SGCZ: variants seen among roughly 807,000 people sequenced by gnomAD.
SGCZ encodes sarcoglycan zeta, also known as zeta-sarcoglycan.
A neutral mutation model predicts 41.3 loss-of-function variants in SGCZ; 40 were observed. That is an observed-to-expected ratio of 0.97 (90% CI 0.75 to 1.26). The LOEUF is 1.26. Among genes scored for constraint, SGCZ ranks in the 50% most tolerant of loss-of-function variants. The pLI is 0.00. For synonymous variants in SGCZ, 206 were observed against 137.5 expected (o/e 1.50, Z -3.49); for missense variants, 552 against 369.8 (o/e 1.49, Z -4.04).
At chr8:14,124,493 G>T (rs1351914713) in intron 5 of SGCZ, among the ~76,000 whole-genome samples, 1 of 152,090 alleles carries the variant, frequency 6.6e-6, no homozygotes, top group Non-Finnish European at 1.5e-5. Flanking sequence ...ATATACAGTT[G>T]ACTTAAAACT....
chr8:14,953,953 C>A (rs1446425133), intron 1 of SGCZ, among the ~76,000 whole-genome samples: 1 of 152,106 alleles, frequency 6.6e-6, no homozygotes, highest in East Asian at 1.9e-4. Flanking sequence ...CCAGTCCTTT[C>A]AGTGTTACTG....
At chr8:14,440,982 G>T (rs998034993) in intron 2 of SGCZ, among the ~76,000 whole-genome samples, 1 of 151,910 alleles carries the variant, frequency 6.6e-6, no homozygotes, top group African/African-American at 2.4e-5. Context: ...CTTTGAAAAG[G>T]GGGTTTTGTG....
intron 1 of SGCZ, among the ~76,000 whole-genome samples, chr8:14,671,617 T>G (rs1360153828): frequency 6.6e-6 from 1 of 152,136 alleles, no homozygotes; most frequent in Non-Finnish European, 1.5e-5. Context: ...AGAATATGAT[T>G]AAGAAAGTAG....
intron 7 of SGCZ, among the ~76,000 whole-genome samples, chr8:14,098,374 G>T (rs1801909294): frequency 6.6e-6 from 1 of 152,126 alleles, no homozygotes. Flanking sequence ...AAAACCCAAG[G>T]CAATACATTT....
chr8:14,756,803 T>C (rs934805572), intron 1 of SGCZ, among the ~76,000 whole-genome samples: 3 of 152,194 alleles, frequency 2.0e-5, no homozygotes, highest in Non-Finnish European at 4.4e-5. Context: ...GAGATATATC[T>C]AGGATTGTTC....
intron 5 of SGCZ, among the ~76,000 whole-genome samples, chr8:14,160,312 G>A (rs1242122424): frequency 6.6e-6 from 1 of 152,110 alleles, no homozygotes; most frequent in African/African-American, 2.4e-5. Context: ...TATACTATGT[G>A]GAATACGAAT....
chr8:14,319,199 C>T (rs907875020), intron 3 of SGCZ, among the ~76,000 whole-genome samples: 5 of 151,842 alleles, frequency 3.3e-5, no homozygotes, highest in Admixed American at 6.6e-5. Flanking sequence ...TAAAATTTCT[C>T]TGAAATGAAA....
At chr8:14,230,480 T>C (rs1365639) in intron 4 of SGCZ, among the ~76,000 whole-genome samples, 96,002 of 151,708 alleles carry the variant, frequency 0.63, 30,666 homozygotes, top group South Asian at 0.77. Context: ...ATGCCTGGAG[T>C]AATGTACATA....
intron 3 of SGCZ, among the ~76,000 whole-genome samples, chr8:14,296,140 A>G (rs1463617319): frequency 6.6e-6 from 1 of 152,162 alleles, no homozygotes; most frequent in Non-Finnish European, 1.5e-5. Flanking sequence ...ATAAGCTTCA[A>G]ACTAAGACTC....
chr8:14,154,186 C>A (rs567739054), intron 5 of SGCZ, among the ~76,000 whole-genome samples: 1 of 151,820 alleles, frequency 6.6e-6, no homozygotes, highest in Non-Finnish European at 1.5e-5. Context: ...CTGGCTAACA[C>A]GCTGAAACCC....
intron 1 of SGCZ, among the ~76,000 whole-genome samples, chr8:14,844,455 C>A (rs912914614): frequency 6.6e-6 from 1 of 152,124 alleles, no homozygotes; most frequent in Non-Finnish European, 1.5e-5. Context: ...ATGTAACAAA[C>A]GTGACTTCGG....
chr8:15,161,984 T>C (rs1799524483), intron 1 of SGCZ, among the ~76,000 whole-genome samples: 2 of 152,270 alleles, frequency 1.3e-5, no homozygotes, highest in South Asian at 4.1e-4. Flanking sequence ...TGACCCAAGA[T>C]TGCACCACGG....
intron 4 of SGCZ, among the ~76,000 whole-genome samples, chr8:14,174,267 C>T (rs766021627): frequency 8.6e-5 from 13 of 152,008 alleles, no homozygotes; most frequent in South Asian, 2.1e-4. Flanking sequence ...TATTGCATAA[C>T]GATAGAAAAT....
At chr8:15,147,183 C>T (rs1799057204) in intron 1 of SGCZ, among the ~76,000 whole-genome samples, 1 of 152,168 alleles carries the variant, frequency 6.6e-6, no homozygotes, top group South Asian at 2.1e-4. Context: ...TCATCTAAAG[C>T]TCTTGAGAAC....
At chr8:14,363,668 T>G (rs1803604939) in intron 2 of SGCZ, among the ~76,000 whole-genome samples, 1 of 152,184 alleles carries the variant, frequency 6.6e-6, no homozygotes, top group African/African-American at 2.4e-5. Context: ...TATTCAGTTT[T>G]ATTCAGTTAA....
chr8:15,237,734 G>C lies in SGCZ; in HGVS notation c.-111C>G. The C allele has an allele frequency of 3.5e-6, 4 of 1,143,454 alleles. No individual in the cohort carries two copies. Among genetic ancestry groups the C allele is most frequent in the Non-Finnish European group, 5.1e-6 (4 of 779,852 alleles). 70.8% of individuals were successfully genotyped at this position (1,143,454 alleles called of 1,614,324 possible). On this transcript the variant is annotated 5_prime_UTR_variant, in exon 1 of 8. Transcript: ENST00000382080. ...CTTTATCCTCCTCCAAGCCCCGGCA[G>C]CTCCTCTCAGTCTCATTCTCCGTGG...
intron 1 of SGCZ, among the ~76,000 whole-genome samples, chr8:14,957,694 A>G (rs1800835674): frequency 1.3e-5 from 2 of 151,908 alleles, no homozygotes; most frequent in South Asian, 4.1e-4. Flanking sequence ...TAATCCCTCT[A>G]TTTTTACGGC....
intron 2 of SGCZ, among the ~76,000 whole-genome samples, chr8:14,517,762 T>C (rs759085260): frequency 6.6e-6 from 1 of 151,954 alleles, no homozygotes; most frequent in Non-Finnish European, 1.5e-5. Context: ...TATTCATGCT[T>C]TTAGCTCTTC....
chr8:15,202,835 G>C (rs1432451125), intron 1 of SGCZ, among the ~76,000 whole-genome samples: 1 of 152,074 alleles, frequency 6.6e-6, no homozygotes, highest in Non-Finnish European at 1.5e-5. Context: ...ACCTGGCCGG[G>C]CCTGGTGGCT....
Sources: allele counts gnomAD v4.1 joint callset (sites outside exome capture counted in the v4.1 genomes callset), GRCh38; gene constraint gnomAD v4.1.1; transcripts MANE v1.5; gene names NCBI Gene and HGNC (gene_info 2026-07-23, HGNC 2026-07-21).